The following ARMC8 variants were observed in gnomAD, a reference collection of about 807,000 sequenced individuals.
ARMC8 encodes the protein armadillo repeat-containing protein 8.
A neutral mutation model predicts 99.3 loss-of-function variants in ARMC8; 20 were observed. That is an observed-to-expected ratio of 0.20 (90% confidence interval 0.14 to 0.29). The LOEUF is 0.29. ARMC8 is among the 10% of genes least tolerant of loss of function. The pLI, the probability that ARMC8 is intolerant of heterozygous loss-of-function variation, is 1.00. For synonymous variants in ARMC8, 263 were observed against 278.3 expected (o/e 0.95, Z 0.55); for missense variants, 569 against 809.5 (o/e 0.70, Z 3.60).
At chr3:138,188,620 A>T in intron 1 of ARMC8, 2 of 1,512,330 alleles carry the variant, frequency 1.3e-6, no homozygotes, top group East Asian at 2.3e-5. Context: ...AGCCAGTCTG[A>T]TACTGAGAGG....
At chr3:138,239,378 G>A (rs557383588) in intron 9 of ARMC8, 90 bp from the exon 10 acceptor site, 5 of 1,013,358 alleles carry the variant, frequency 4.9e-6, no homozygotes, top group East Asian at 2.6e-5. Flanking sequence ...TTTGGTTTTC[G>A]ATTTTTTAAT....
At chr3:138,260,845 A>G (rs979679393) in intron 12 of ARMC8, among the ~76,000 whole-genome samples, 4 of 152,204 alleles carry the variant, frequency 2.6e-5, no homozygotes, top group South Asian at 2.1e-4. Context: ...GAGAGTAACC[A>G]TGTGTTCAAT....
intron 19 of ARMC8, chr3:138,287,635 G>A: frequency 2.2e-6 from 1 of 456,648 alleles, no homozygotes; most frequent in Non-Finnish European, 4.4e-6. Context: ...TCTTAAGGGA[G>A]CCCAAACTGG....
At position 138,267,188 on chromosome 3, in the gene ARMC8, G is replaced by A; in HGVS notation, c.1333G>A (p.Val445Ile). 1 of 1,580,662 alleles carries A rather than the reference G, an allele frequency of 6.3e-7. No homozygotes were observed. Among genetic ancestry groups the A allele is most frequent in the Non-Finnish European group, 8.6e-7 (1 of 1,161,926 alleles). Residue 445 changes from valine to isoleucine, a missense_variant, in exon 15 of 22, where the codon GTA (valine) becomes ATA (isoleucine). Transcript: ENST00000469044. Reference protein sequence around the residue: ...LQNAPDEILVVASSMLCNLLL... With the variant: ...LQNAPDEILVIASSMLCNLLL... ...AAATGCACCAGATGAAATCCTAGTG[G>A]TAGCATCTTCCATGCTGTGTAATCT...
chr3:138,264,412 C>CTTTTTTTTTTTTTTTTTTTTTTTTTTTTT (rs11298899), intron 14 of ARMC8, among the ~76,000 whole-genome samples, 200 bp downstream of exon 14: 1 of 48,630 alleles, frequency 2.1e-5, no homozygotes. Flanking sequence ...GATTTTCTTT[C>CTTTTTTTTTTTTTTTTTTTTTTTTTTTTT]TTTTTTTTTT....
chr3:138,221,640 CT>C (rs1249458342), intron 2 of ARMC8, among the ~76,000 whole-genome samples: 3 of 152,014 alleles, frequency 2.0e-5, no homozygotes, highest in Non-Finnish European at 4.4e-5. Flanking sequence ...GCCTGTATTC[CT>C]TTGTATCCAA....
chr3:138,284,232 T>C (rs2050193256), intron 18 of ARMC8, among the ~76,000 whole-genome samples, 199 bp from the exon 19 acceptor site: 1 of 152,230 alleles, frequency 6.6e-6, no homozygotes, highest in African/African-American at 2.4e-5. Context: ...GTTGGGGTTC[T>C]CTTTTGCCTA....
In ARMC8 at chr3:138,192,000, G is replaced by A. The variant is rs1358460061; in HGVS notation, c.45+4401G>A. 2.0e-5 allele frequency among the ~76,000 whole-genome samples: 3 copies of A among 152,142 alleles called. No individual in the cohort carries two copies. In the East Asian group the frequency reaches 5.8e-4, roughly 29 times the overall value. On this transcript the variant is annotated intron_variant, in intron 1 of 21. Transcript: ENST00000469044. ...AGGACATAACTTTTCATATCTCTGAGCTAAATGCCCAGGAGTGCAATTGCA... is the reference window on the plus strand; with the variant it reads ...AGGACATAACTTTTCATATCTCTGAACTAAATGCCCAGGAGTGCAATTGCA...
intron 14 of ARMC8, among the ~76,000 whole-genome samples, chr3:138,264,978 G>A (rs2108271229): frequency 6.6e-6 from 1 of 151,546 alleles, no homozygotes; most frequent in African/African-American, 2.4e-5. Context: ...GCTCACTGCA[G>A]CCTTGTGCCC....
At chr3:138,194,733 A>G (rs774057651) in intron 1 of ARMC8, among the ~76,000 whole-genome samples, 5 of 151,842 alleles carry the variant, frequency 3.3e-5, no homozygotes, top group Admixed American at 6.6e-5. Flanking sequence ...CTCTACAGTT[A>G]TAAGCATATT....
chr3:138,274,637 A>G (rs2049100369), intron 18 of ARMC8, 93 bp downstream of exon 18: 1 of 915,366 alleles, frequency 1.1e-6, no homozygotes, highest in East Asian at 2.4e-5. Flanking sequence ...TCTGCAGAAG[A>G]CAGAGTGCTG....
At chr3:138,187,636 G>A in intron 1 of ARMC8, 37 bp downstream of exon 1, 3 of 1,534,580 alleles carry the variant, frequency 2.0e-6, no homozygotes, top group East Asian at 2.4e-5. Flanking sequence ...CCGCCCTCCA[G>A]GAAGCCTCAT....
intron 12 of ARMC8, among the ~76,000 whole-genome samples, chr3:138,260,512 A>G (rs1445911329): frequency 1.3e-5 from 2 of 152,044 alleles, no homozygotes; most frequent in African/African-American, 4.8e-5. Context: ...AGGTTCTTTC[A>G]TATCAGCCTT....
At chr3:138,234,332 G>C (rs1342910807) in intron 6 of ARMC8, among the ~76,000 whole-genome samples, 1 of 152,060 alleles carries the variant, frequency 6.6e-6, no homozygotes, top group East Asian at 1.9e-4. Flanking sequence ...GGATGGTCTT[G>C]ATCTCCCAAC....
chr3:138,254,048 C>T (rs965281639), intron 12 of ARMC8, among the ~76,000 whole-genome samples: 5 of 152,204 alleles, frequency 3.3e-5, no homozygotes, highest in Non-Finnish European at 7.3e-5. Context: ...CATGAGGGAC[C>T]TCCATATCTG....
Position 138,296,167 on chromosome 3 carries a change from C to A in ARMC8, c.*275C>A. On this transcript the variant is annotated 3_prime_UTR_variant, in exon 22 of 22. Transcript: ENST00000469044. ...AACAATCAATCATTTTCCTTTGGAC[C>A]TACAATTTTTGCCTATGCTGCAGCC... The A allele has an allele frequency of 2.8e-6, 1 of 361,894 alleles. No individual in the cohort carries two copies. The highest frequency in any genetic ancestry group is 5.0e-6 in the Non-Finnish European group (1 of 198,874). The allele number at this position is 361,894 out of a possible 1,614,324, so 22.4% of individuals were successfully genotyped here.
At chr3:138,232,415 A>G (rs919887698) in intron 6 of ARMC8, among the ~76,000 whole-genome samples, 3 of 152,334 alleles carry the variant, frequency 2.0e-5, no homozygotes, top group African/African-American at 7.2e-5. Context: ...ACCAGGGAAC[A>G]ATTATATATA....
At chr3:138,226,241 G>A (rs957429333) in intron 5 of ARMC8, among the ~76,000 whole-genome samples, 2 of 152,074 alleles carry the variant, frequency 1.3e-5, no homozygotes, top group East Asian at 1.9e-4. Flanking sequence ...TGATCCACCC[G>A]CCTCGGCCTC....
Position 138,188,002 on chromosome 3 carries a change from G to A in ARMC8, c.45+403G>A, listed in dbSNP as rs1024521360. On this transcript the variant is annotated intron_variant, in intron 1 of 21. Transcript: ENST00000469044. ...GCTTGCAGCCGGCCTGAGAACGAGCGCCCACTCAGCTCTCCCGGGCTTTGG... is the reference window on the plus strand; with the variant it reads ...GCTTGCAGCCGGCCTGAGAACGAGCACCCACTCAGCTCTCCCGGGCTTTGG... The A allele has an allele frequency of 9.3e-5, 24 of 257,280 alleles. No homozygotes were observed. The East Asian group carries it at 1.1e-3, about 12-fold the overall frequency. The allele number at this position is 257,280 out of a possible 1,614,324, so 15.9% of individuals were successfully genotyped here. A position where few individuals can be genotyped will look rare whatever the true frequency, so the allele number is the denominator to read the frequency against.
Sources: allele counts gnomAD v4.1 joint callset (sites outside exome capture counted in the v4.1 genomes callset), GRCh38; gene constraint gnomAD v4.1.1; transcripts MANE v1.5; gene names NCBI Gene and HGNC (gene_info 2026-07-23, HGNC 2026-07-21).